The following PPP2CA variants were observed in gnomAD, a reference collection of about 807,000 sequenced individuals.
PPP2CA encodes the protein serine/threonine-protein phosphatase 2A catalytic subunit alpha isoform.
In PPP2CA, 5 loss-of-function variants were observed where a neutral mutation model predicts 38.8. The ratio of observed to expected loss-of-function variants is 0.13; its 90% CI spans 0.07 to 0.27. The LOEUF (loss-of-function observed/expected upper bound fraction) is 0.27. Among genes scored for constraint, PPP2CA ranks in the 10% least tolerant of loss-of-function variants. The probability of loss-of-function intolerance (pLI) is 1.00; values close to 1 mark genes in which losing one functional copy is unlikely to be tolerated. For synonymous variants in PPP2CA, 152 were observed against 134.0 expected (o/e 1.13, Z -0.93); for missense variants, 88 against 389.7 (o/e 0.23, Z 6.52).
At position 134,200,942 on chromosome 5, in the gene PPP2CA, C is replaced by A. The variant is rs1761956612; in HGVS notation, c.576+43G>T. 6 of 1,469,586 alleles carry A rather than the reference C, an allele frequency of 4.1e-6. No homozygotes were observed. The East Asian group carries it at 6.8e-5, about 17-fold the overall frequency. 91.0% of individuals were successfully genotyped at this position (1,469,586 alleles called of 1,614,324 possible). On this transcript the variant is annotated intron_variant, in intron 4 of 6. Coordinates refer to ENST00000481195, the MANE Select transcript of PPP2CA (RefSeq NM_002715.4). ...ACTTACAATTAAACTTCTCCACTCC[C>A]TAATAAGTTTTCTGAAAGAATTTTA...
At chr5:134,207,597 A>G (rs1762111585) in intron 1 of PPP2CA, among the ~76,000 whole-genome samples, 1 of 152,218 alleles carries the variant, frequency 6.6e-6, no homozygotes, top group Admixed American at 6.5e-5. Context: ...GTTCCAGACC[A>G]GCCTGGAGTA....
chr5:134,218,878 C>A (rs1377589430), intron 1 of PPP2CA, among the ~76,000 whole-genome samples: 1 of 152,048 alleles, frequency 6.6e-6, no homozygotes, highest in Non-Finnish European at 1.5e-5. Flanking sequence ...ACCGTGCTAG[C>A]CAGGATGGGC....
At chr5:134,225,515 TG>T (rs1431966124) in intron 1 of PPP2CA, 1 of 441,038 alleles carries the variant, frequency 2.3e-6, no homozygotes, top group Non-Finnish European at 4.1e-6. Flanking sequence ...CAAGGCCGGC[TG>T]ACTCAAAAGC....
In PPP2CA at chr5:134,194,437, C is replaced by A. The variant is rs915018241; in HGVS notation, c.*3335G>T. The A allele has an allele frequency of 2.0e-5, 3 of 152,142 alleles. No individual in the cohort carries two copies. The highest frequency in any genetic ancestry group is 7.2e-5 in the African/African-American group (3 of 41,420). 9.4% of individuals were successfully genotyped at this position (152,142 alleles called of 1,614,324 possible). A position where few individuals can be genotyped will look rare whatever the true frequency, so the allele number is the denominator to read the frequency against. On this transcript the variant is annotated 3_prime_UTR_variant, in exon 7 of 7. Coordinates refer to ENST00000481195, the MANE Select transcript of PPP2CA (RefSeq NM_002715.4). ...AAACTATAGGTTACTAAACTATAGG[C>A]CCATTTCTAAGAACACATTTATGGT...
intron 1 of PPP2CA, among the ~76,000 whole-genome samples, chr5:134,222,000 GA>G (rs1762456663): frequency 6.8e-6 from 1 of 146,656 alleles, no homozygotes; most frequent in Non-Finnish European, 1.5e-5. Flanking sequence ...TTTATTTTAT[GA>G]AAGTGTTGAC....
intron 1 of PPP2CA, among the ~76,000 whole-genome samples, chr5:134,206,463 T>C (rs1398611315): frequency 6.6e-6 from 1 of 152,190 alleles, no homozygotes; most frequent in Non-Finnish European, 1.5e-5. Flanking sequence ...CTTCCTTACC[T>C]TCAGAGTTCT....
chr5:134,225,897 T>C lies in PPP2CA; in HGVS notation c.-36A>G, dbSNP rs377165125. ...GCCCCAGCCGGCTGCCGCTCCGCGC[T>C]GCTCCCGCGCCGCCGCCCGCACACG... On this transcript the variant is annotated 5_prime_UTR_variant, in exon 1 of 7. Transcript: ENST00000481195. 45 of 1,589,938 alleles carry C rather than the reference T, an allele frequency of 2.8e-5. No individual in the cohort carries two copies. The highest frequency in any genetic ancestry group is 6.7e-5 in the Admixed American group (4 of 59,594).
At chr5:134,223,564 C>G (rs1346867933) in intron 1 of PPP2CA, among the ~76,000 whole-genome samples, 3 of 152,126 alleles carry the variant, frequency 2.0e-5, no homozygotes, top group Non-Finnish European at 4.4e-5. Flanking sequence ...TTTTTTGGCA[C>G]TCAGAACTAA....
In PPP2CA at chr5:134,226,070, C is replaced by G; in HGVS notation, c.-209G>C. 3 of 445,372 alleles carry G rather than the reference C, an allele frequency of 6.7e-6. No homozygotes were observed. Among genetic ancestry groups the G allele is most frequent in the Non-Finnish European group, 1.2e-5 (3 of 251,608 alleles). 27.6% of individuals were successfully genotyped at this position (445,372 alleles called of 1,614,324 possible). A position where few individuals can be genotyped will look rare whatever the true frequency, so the allele number is the denominator to read the frequency against. On this transcript the variant is annotated 5_prime_UTR_variant, in exon 1 of 7. Coordinates refer to ENST00000481195, the MANE Select transcript of PPP2CA (RefSeq NM_002715.4). ...CGCTGAGGCTCCAGAGCTCGGCTCT[C>G]TGTAATGGCGGCCGCCGGGCGTGGT...
rs1426932624 is a variant in PPP2CA at position 134,196,955 on chromosome 5, C to T, written c.*817G>A. ...TAATCTGAAGAATGTCAAGGAGTTA[C>T]CAGAGAGGTTATGTAGTGCCCTTGA... On this transcript the variant is annotated 3_prime_UTR_variant, in exon 7 of 7. Coordinates refer to ENST00000481195, the MANE Select transcript of PPP2CA (RefSeq NM_002715.4). 1 of 152,592 alleles carries T rather than the reference C, an allele frequency of 6.6e-6. No homozygotes were observed. Among genetic ancestry groups the T allele is most frequent in the Admixed American group, 6.5e-5 (1 of 15,272 alleles). 9.5% of individuals were successfully genotyped at this position (152,592 alleles called of 1,614,324 possible).
At position 134,195,452 on chromosome 5, in the gene PPP2CA, T is replaced by G. The variant is rs1761828090; in HGVS notation, c.*2320A>C. ...TTGTAGAGATGGGGTTTTGCCATGTTGGCCAGGCTGCTCTTCAACTCCTGA... is the reference window on the plus strand; with the variant it reads ...TTGTAGAGATGGGGTTTTGCCATGTGGGCCAGGCTGCTCTTCAACTCCTGA... On this transcript the variant is annotated 3_prime_UTR_variant, in exon 7 of 7. Coordinates refer to ENST00000481195, the MANE Select transcript of PPP2CA (RefSeq NM_002715.4). 1 of 152,248 alleles carries G rather than the reference T, an allele frequency of 6.6e-6. No individual in the cohort carries two copies. The highest frequency in any genetic ancestry group is 2.4e-5 in the African/African-American group (1 of 41,438). The allele number at this position is 152,248 out of a possible 1,614,324, so 9.4% of individuals were successfully genotyped here.
intron 2 of PPP2CA, among the ~76,000 whole-genome samples, chr5:134,203,792 C>A (rs142943345): frequency 6.6e-6 from 1 of 152,070 alleles, no homozygotes; most frequent in South Asian, 2.1e-4. Context: ...AGTAGCTCAC[C>A]GCAGCCTGAA....
chr5:134,205,874 G>T, intron 2 of PPP2CA, 48 bp downstream of exon 2: 1 of 1,512,858 alleles, frequency 6.6e-7, no homozygotes, highest in Non-Finnish European at 9.2e-7. Context: ...ACTTTCAAGA[G>T]GACTGTCTTA....
intron 1 of PPP2CA, among the ~76,000 whole-genome samples, chr5:134,212,515 T>A (rs907865463): frequency 6.6e-5 from 10 of 152,154 alleles, no homozygotes; most frequent in African/African-American, 2.2e-4. Flanking sequence ...GGCCTCCCTA[T>A]CCCCTGAGAC....
rs770996914 is a variant in PPP2CA, at chr5:134,199,221, A to T, written c.739-17T>A. ...GTTATATCCCTGCAAGGAAAAGGAG[A>T]CAAAAATCTTACTTTACTCCCTCAA... On this transcript the variant is annotated splice_polypyrimidine_tract_variant and intron_variant, in intron 5 of 6. Transcript: ENST00000481195. 3.2e-6 allele frequency: 5 copies of T among 1,574,204 alleles called. 1 individual carries two copies. Among genetic ancestry groups the T allele is most frequent in the Middle Eastern group, 1.7e-4 (1 of 5,992 alleles).
At position 134,196,143 on chromosome 5, in the gene PPP2CA, CA is replaced by C. The variant is rs1206633588; in HGVS notation, c.*1628del. ...CTTTTGCTTTGGAAAATTAACTCCA[CA>C]AGCCACTAAAAATACTATCAATTAG... On this transcript the variant is annotated 3_prime_UTR_variant, in exon 7 of 7. Coordinates refer to ENST00000481195, the MANE Select transcript of PPP2CA (RefSeq NM_002715.4). The C allele has an allele frequency of 2.0e-5, 3 of 151,166 alleles. No individual in the cohort carries two copies. The highest frequency in any genetic ancestry group is 7.2e-5 in the African/African-American group (3 of 41,384). The allele number at this position is 151,166 out of a possible 1,614,324, so 9.4% of individuals were successfully genotyped here. A position where few individuals can be genotyped will look rare whatever the true frequency, so the allele number is the denominator to read the frequency against.
At chr5:134,200,576 A>T in intron 4 of PPP2CA, 80 bp from the exon 5 acceptor site, 1 of 1,433,574 alleles carries the variant, frequency 7.0e-7, no homozygotes, top group Non-Finnish European at 9.5e-7. Context: ...CAGAAGCAGC[A>T]CCCTAAGCCA....
chr5:134,198,394 A>AC, intron 6 of PPP2CA, among the ~76,000 whole-genome samples: 1 of 67,304 alleles, frequency 1.5e-5, no homozygotes. Context: ...CTCCGTCTCA[A>AC]AAAACAAACA....
At chr5:134,217,645 T>G (rs1194432788) in intron 1 of PPP2CA, among the ~76,000 whole-genome samples, 3 of 152,228 alleles carry the variant, frequency 2.0e-5, no homozygotes, top group Non-Finnish European at 2.9e-5. Context: ...GATAAGTTAG[T>G]GTACAGGGCT....
Sources: allele counts gnomAD v4.1 joint callset (sites outside exome capture counted in the v4.1 genomes callset), GRCh38; gene constraint gnomAD v4.1.1; transcripts MANE v1.5; gene names NCBI Gene and HGNC (gene_info 2026-07-23, HGNC 2026-07-21).